INPP4B: variants seen among roughly 807,000 people sequenced by gnomAD.
The protein encoded by INPP4B is inositol polyphosphate-4-phosphatase type II B, also known as inositol polyphosphate 4-phosphatase type II.
In INPP4B, 55 loss-of-function variants were observed where a neutral mutation model predicts 122.5. That is an observed-to-expected ratio of 0.45 (90% CI 0.36 to 0.56). INPP4B has a LOEUF of 0.56. Ranked by LOEUF, INPP4B falls within the 20% of genes least tolerant of loss-of-function variation. The pLI is 0.00. For missense variants in INPP4B, 1,000 were observed against 1,097.7 expected (o/e 0.91, Z 1.26); for synonymous variants, 403 against 388.7 (o/e 1.04, Z -0.43).
At chr4:142,835,966 G>A (rs959515884) in intron 1 of INPP4B, among the ~76,000 whole-genome samples, 4 of 152,080 alleles carry the variant, frequency 2.6e-5, no homozygotes, top group African/African-American at 9.7e-5. Context: ...ATAGGGTATG[G>A]TGCGTAATTC....
chr4:142,619,168 A>G (rs139041530), intron 2 of INPP4B, among the ~76,000 whole-genome samples: 8 of 152,074 alleles, frequency 5.3e-5, no homozygotes, highest in Non-Finnish European at 1.2e-4. Context: ...TGTAGAAAAC[A>G]GTATGGAGAT....
intron 15 of INPP4B, among the ~76,000 whole-genome samples, chr4:142,178,437 C>T (rs139642855): frequency 5.6e-4 from 86 of 152,252 alleles, no homozygotes; most frequent in South Asian, 1.4e-3. Flanking sequence ...GGTTTGAAGA[C>T]GGCAGGAGGC....
intron 2 of INPP4B, among the ~76,000 whole-genome samples, chr4:142,655,967 C>G (rs1043601096): frequency 2.0e-5 from 3 of 152,136 alleles, no homozygotes; most frequent in Non-Finnish European, 2.9e-5. Flanking sequence ...TTCTGAAATA[C>G]AACATACAGG....
intron 7 of INPP4B, among the ~76,000 whole-genome samples, chr4:142,337,703 G>GTATATTTATA (rs1777180172): frequency 3.0e-5 from 2 of 67,232 alleles, no homozygotes; most frequent in Non-Finnish European, 8.3e-5. Context: ...ATTATTTTAT[G>GTATATTTATA]TATATTATAT....
intron 7 of INPP4B, among the ~76,000 whole-genome samples, chr4:142,316,861 A>C (rs565196995): frequency 6.6e-6 from 1 of 152,328 alleles, no homozygotes; most frequent in South Asian, 2.1e-4. Context: ...TATGTAAAAT[A>C]TACCCTCCAT....
At chr4:142,818,587 G>A (rs1009110690) in intron 1 of INPP4B, among the ~76,000 whole-genome samples, 1 of 152,088 alleles carries the variant, frequency 6.6e-6, no homozygotes, top group African/African-American at 2.4e-5. Context: ...AATATAGAAA[G>A]GAAATTGATA....
chr4:142,448,465 G>C (rs1225382914), intron 3 of INPP4B, among the ~76,000 whole-genome samples: 2 of 151,628 alleles, frequency 1.3e-5, no homozygotes, highest in Non-Finnish European at 2.9e-5. Context: ...CTTCATTCTA[G>C]TAAACTAGAT....
At chr4:142,552,730 C>T (rs1169846575) in intron 2 of INPP4B, among the ~76,000 whole-genome samples, 8 of 152,126 alleles carry the variant, frequency 5.3e-5, no homozygotes, top group Non-Finnish European at 1.5e-5. Flanking sequence ...TATTTTATTA[C>T]ATTATGTCTT....
At chr4:142,723,052 C>G (rs1032777388) in intron 2 of INPP4B, among the ~76,000 whole-genome samples, 1 of 151,812 alleles carries the variant, frequency 6.6e-6, no homozygotes, top group African/African-American at 2.4e-5. Flanking sequence ...AAAATAAAAC[C>G]AATCTGTAAA....
At chr4:142,137,072 G>A (rs1240463268) in intron 18 of INPP4B, among the ~76,000 whole-genome samples, 14 of 152,260 alleles carry the variant, frequency 9.2e-5, no homozygotes, top group South Asian at 6.2e-4. Context: ...AGCTCGCATC[G>A]TCAAGTCAAT....
chr4:142,670,407 A>AGT (rs1479827197), intron 2 of INPP4B, among the ~76,000 whole-genome samples: 1 of 152,206 alleles, frequency 6.6e-6, no homozygotes, highest in African/African-American at 2.4e-5. Context: ...AATGTCCATC[A>AGT]GTGGATAAAT....
In INPP4B at chr4:142,827,286, G is replaced by T. The variant is rs113657710; in HGVS notation, c.-254+18923C>A. On this transcript the variant is annotated intron_variant, in intron 1 of 25. Coordinates refer to ENST00000262992, the MANE Select transcript of INPP4B (RefSeq NM_001101669.3). ...ATCCCTCTGTGCACTTCAAGTGCTC[G>T]TCTACATATTCTAGTGTTGTATTCT... is the stretch of plus-strand genomic sequence containing the variant. Among the ~76,000 whole-genome samples, 824 of 152,238 alleles carry T rather than the reference G, an allele frequency of 5.4e-3. 9 individuals are homozygous for T. The highest frequency in any genetic ancestry group is 0.019 in the African/African-American group (797 of 41,552).
intron 7 of INPP4B, among the ~76,000 whole-genome samples, chr4:142,395,634 T>G (rs1041164217): frequency 1.3e-5 from 2 of 152,130 alleles, no homozygotes; most frequent in Admixed American, 6.5e-5. Context: ...CTATTCACAA[T>G]GGCCAAGATG....
At chr4:142,300,973 T>C (rs934836684) in intron 9 of INPP4B, among the ~76,000 whole-genome samples, 3 of 152,104 alleles carry the variant, frequency 2.0e-5, no homozygotes, top group African/African-American at 7.2e-5. Context: ...TGTGGTGACA[T>C]GTAGGTTATA....
intron 2 of INPP4B, among the ~76,000 whole-genome samples, chr4:142,585,571 G>A (rs1735982431): frequency 6.6e-6 from 1 of 152,098 alleles, no homozygotes; most frequent in Non-Finnish European, 1.5e-5. Flanking sequence ...AGGACAAGTA[G>A]TCATATCCAC....
At position 142,112,645 on chromosome 4, in the gene INPP4B, T is replaced by C; in HGVS notation, c.2173A>G (p.Met725Val). ...ATCTGTAGAGGTAGTGACTCAAACA[T>C]TCTGGCTGGAAGCTTGACCTCTACC... The part of the protein sequence containing the change: ...YVVEVKLPAR[M>V]FESLPLQIKE... The change falls in exon 22 of 26, where the codon ATG becomes GTG. Residue 725 changes from methionine to valine, a missense_variant. Physicochemically the swap from Met to Val is conservative, Grantham distance 21. Transcript: ENST00000262992. 3 of 1,613,076 alleles carry C rather than the reference T, an allele frequency of 1.9e-6. No homozygotes were observed. The highest frequency in any genetic ancestry group is 2.5e-6 in the Non-Finnish European group (3 of 1,179,428).
At chr4:142,599,903 A>G (rs1353442015) in intron 2 of INPP4B, among the ~76,000 whole-genome samples, 2 of 151,910 alleles carry the variant, frequency 1.3e-5, no homozygotes, top group East Asian at 3.9e-4. Context: ...ACTCAATGAT[A>G]GACTAGACCA....
intron 7 of INPP4B, among the ~76,000 whole-genome samples, chr4:142,329,116 C>G (rs576580712): frequency 2.0e-5 from 3 of 152,248 alleles, no homozygotes; most frequent in African/African-American, 7.2e-5. Flanking sequence ...TACATTCTAG[C>G]ATCAGGAAGA....
At chr4:142,836,171 G>T (rs1296754872) in intron 1 of INPP4B, among the ~76,000 whole-genome samples, 1 of 152,054 alleles carries the variant, frequency 6.6e-6, no homozygotes, top group Non-Finnish European at 1.5e-5. Flanking sequence ...TTCACTCAAT[G>T]AAACTTCAAT....
Sources: gnomAD v4.1 joint callset for allele counts (sites outside exome capture counted in the v4.1 genomes callset) on GRCh38, gnomAD v4.1.1 for gene constraint, MANE v1.5 for transcripts, NCBI Gene and HGNC (gene_info 2026-07-23, HGNC 2026-07-21) for gene names.